The following DIAPH2 variants were observed in gnomAD, a reference collection of about 807,000 sequenced individuals.
DIAPH2 encodes protein diaphanous homolog 2.
A neutral mutation model predicts 92.7 loss-of-function variants in DIAPH2; 35 were observed. The ratio of observed to expected loss-of-function variants is 0.38; its 90% CI spans 0.29 to 0.50. The LOEUF (loss-of-function observed/expected upper bound fraction) is 0.50, where lower values mean the gene tolerates loss of function less well. DIAPH2 is among the 20% of genes least tolerant of loss of function. DIAPH2 has a pLI of 0.94. For missense variants in DIAPH2, 701 were observed against 819.5 expected (o/e 0.86, Z 1.77); for synonymous variants, 301 against 280.4 (o/e 1.07, Z -0.73).
At chrX:97,570,109 T>G (rs1397654155) in intron 26 of DIAPH2, among the ~76,000 whole-genome samples, 427 of 32,597 alleles carry the variant, frequency 0.013, 14 homozygotes, top group African/African-American at 0.035. Flanking sequence ...TATATATATA[T>G]ATATATATAT....
intron 17 of DIAPH2, among the ~76,000 whole-genome samples, chrX:96,974,188 A>G (rs1267610392): frequency 8.9e-6 from 1 of 112,083 alleles, no homozygotes; most frequent in East Asian, 2.8e-4. Context: ...ACTGCCTTGA[A>G]GGCACGGGCA....
intron 8 of DIAPH2, among the ~76,000 whole-genome samples, chrX:96,917,493 T>C (rs1037381234): frequency 1.8e-5 from 2 of 111,365 alleles, no homozygotes; most frequent in Non-Finnish European, 3.8e-5. Flanking sequence ...AAAGCAAGGA[T>C]CCTTAGGATT....
intron 22 of DIAPH2, among the ~76,000 whole-genome samples, chrX:97,185,528 C>G (rs1395597485): frequency 5.9e-5 from 3 of 51,173 alleles, no homozygotes; most frequent in African/African-American, 2.4e-4. Context: ...TATCTCACTT[C>G]TTCATACTGA....
Position 96,758,173 on chromosome X carries a change from A to C in DIAPH2, c.362A>C (p.Glu121Ala). 1 of 1,205,484 alleles carries C rather than the reference A, an allele frequency of 8.3e-7. No homozygotes were observed. The highest frequency in any genetic ancestry group is 1.1e-6 in the Non-Finnish European group (1 of 893,117). The change falls in exon 4 of 27, where the codon GAA (glutamate) becomes GCA (alanine). Residue 121 changes from glutamate (E) to alanine (A), a missense_variant. Transcript: ENST00000324765. The part of the protein sequence containing the change: ...EKMMEDMNLN[E>A]EKKAPLRNKD... ...TTACAGGAGGACATGAACCTTAACG[A>C]AGAGAAAAAAGCTCCTTTACGAAAC...
chrX:97,303,638 G>A (rs986951547), intron 23 of DIAPH2, among the ~76,000 whole-genome samples: 1 of 111,924 alleles, frequency 8.9e-6, no homozygotes, highest in Non-Finnish European at 1.9e-5. Context: ...AAAAGGGAAA[G>A]AAAAAGTATG....
intron 24 of DIAPH2, among the ~76,000 whole-genome samples, chrX:97,369,701 G>A (rs1343773600): frequency 3.6e-5 from 4 of 111,137 alleles, no homozygotes; most frequent in Admixed American, 9.6e-5. Flanking sequence ...TCAATATCTT[G>A]GAAGATAGGA....
intron 22 of DIAPH2, among the ~76,000 whole-genome samples, chrX:97,155,095 G>A (rs961371837): frequency 1.2e-4 from 14 of 112,063 alleles, no homozygotes; most frequent in African/African-American, 3.9e-4. Context: ...AAACTATATC[G>A]TATTCTCAGC....
chrX:97,491,885 A>G (rs1201392463), intron 26 of DIAPH2, among the ~76,000 whole-genome samples: 1 of 110,464 alleles, frequency 9.1e-6, no homozygotes, highest in East Asian at 2.8e-4. Flanking sequence ...TCTATAGTTA[A>G]TTTCTTTATG....
Position 97,601,099 on chromosome X carries a change from A to G in DIAPH2, c.*1782A>G, listed in dbSNP as rs190063931. 1 of 112,594 alleles carries G rather than the reference A, an allele frequency of 8.9e-6. No homozygotes were observed. Among genetic ancestry groups the G allele is most frequent in the African/African-American group, 3.2e-5 (1 of 31,071 alleles). The allele number at this position is 112,594 out of a possible 1,213,427, so 9.3% of individuals were successfully genotyped here. On this transcript the variant is annotated 3_prime_UTR_variant, in exon 27 of 27. Transcript: ENST00000324765. ...AGCAGTAACACTGTTTTTTAACAAC[A>G]ACAAAAGTTTAGGTTCTAATTTATG... is the stretch of plus-strand genomic sequence containing the variant.
At chrX:96,778,003 G>A (rs1035706912) in intron 4 of DIAPH2, among the ~76,000 whole-genome samples, 2 of 105,245 alleles carry the variant, frequency 1.9e-5, no homozygotes, top group Non-Finnish European at 3.9e-5. Flanking sequence ...TTTAGCATTA[G>A]GTATATCTCC....
intron 26 of DIAPH2, among the ~76,000 whole-genome samples, chrX:97,497,321 C>T (rs1248918651): frequency 9.0e-6 from 1 of 111,035 alleles, no homozygotes; most frequent in Non-Finnish European, 1.9e-5. Context: ...AGTTGGCACT[C>T]CATCTCTGGC....
At chrX:96,730,720 G>A (rs1569377144) in intron 1 of DIAPH2, among the ~76,000 whole-genome samples, 1 of 111,577 alleles carries the variant, frequency 9.0e-6, no homozygotes, top group Admixed American at 9.5e-5. Context: ...CCTCCTTAAA[G>A]GAAGACAGCA....
intron 26 of DIAPH2, among the ~76,000 whole-genome samples, chrX:97,534,842 T>C (rs1311734260): frequency 9.0e-6 from 1 of 111,693 alleles, no homozygotes; most frequent in Non-Finnish European, 1.9e-5. Flanking sequence ...TCAACATCAT[T>C]AGAGATAGTG....
intron 23 of DIAPH2, among the ~76,000 whole-genome samples, chrX:97,273,131 G>A (rs886833669): frequency 1.8e-5 from 2 of 111,506 alleles, no homozygotes; most frequent in Non-Finnish European, 3.8e-5. Flanking sequence ...CTCCAGCCTG[G>A]GCAACAAGAG....
intron 4 of DIAPH2, among the ~76,000 whole-genome samples, chrX:96,840,084 A>G (rs1391051862): frequency 8.9e-6 from 1 of 112,599 alleles, no homozygotes; most frequent in Non-Finnish European, 1.9e-5. Context: ...TGTGTGATCA[A>G]TATAAAATTA....
chrX:96,959,885 AT>A (rs2065836104), intron 16 of DIAPH2, among the ~76,000 whole-genome samples: 1 of 111,697 alleles, frequency 9.0e-6, no homozygotes, highest in Non-Finnish European at 1.9e-5. Context: ...TCCTTTCCCC[AT>A]TGCATGTTCT....
rs1055847599 is a variant in DIAPH2, at chrX:96,965,070, A to G, written c.1936-23A>G. ...AATATGAGGTTATAATTTAGAATCT[A>G]TTCTTTGTTATTTTTGTTTCAGATT... On this transcript the variant is annotated intron_variant, in intron 16 of 26. Coordinates refer to ENST00000324765, the MANE Select transcript of DIAPH2 (RefSeq NM_006729.5). 4 of 1,168,420 alleles carry G rather than the reference A, an allele frequency of 3.4e-6. No homozygotes were observed. The African/African-American group carries it at 5.4e-5, about 16-fold the overall frequency.
chrX:97,425,003 AAAC>A (rs2070047644), intron 25 of DIAPH2, among the ~76,000 whole-genome samples: 1 of 112,307 alleles, frequency 8.9e-6, no homozygotes, highest in South Asian at 3.6e-4. Context: ...AATTTTAATA[AAAC>A]AATATCTATA....
At chrX:97,032,643 C>T (rs2066384396) in intron 17 of DIAPH2, among the ~76,000 whole-genome samples, 1 of 110,678 alleles carries the variant, frequency 9.0e-6, no homozygotes, top group African/African-American at 3.3e-5. Context: ...ACATCTATTA[C>T]TGCTATGCTC....
Sources: gnomAD v4.1 joint callset for allele counts (sites outside exome capture counted in the v4.1 genomes callset) on GRCh38, gnomAD v4.1.1 for gene constraint, MANE v1.5 for transcripts, NCBI Gene and HGNC (gene_info 2026-07-23, HGNC 2026-07-21) for gene names.